NFIB: variants seen among roughly 807,000 people sequenced by gnomAD.
NFIB encodes nuclear factor I B.
A neutral mutation model predicts 61.5 loss-of-function variants in NFIB; 11 were observed. The observed-to-expected ratio is 0.18, with a 90% CI of 0.11 to 0.30. NFIB has a LOEUF of 0.30. Among genes scored for constraint, NFIB ranks in the 10% least tolerant of loss-of-function variants. NFIB has a pLI of 1.00. For synonymous variants in NFIB, 260 were observed against 216.5 expected (o/e 1.20, Z -1.76); for missense variants, 471 against 608.9 (o/e 0.77, Z 2.38).
At chr9:14,470,453 C>T in the NFIB span, among the ~76,000 whole-genome samples, 1 of 152,088 alleles carries the variant, frequency 6.6e-6, no homozygotes, top group Non-Finnish European at 1.5e-5. Flanking sequence ...GGTTTGCCCC[C>T]CTGAAAAAGA....
At chr9:14,312,565 C>T (rs1421943670) in intron 1 of NFIB, among the ~76,000 whole-genome samples, 1 of 152,140 alleles carries the variant, frequency 6.6e-6, no homozygotes, top group East Asian at 1.9e-4. Context: ...AAAACTGCCC[C>T]CAGGTAAGTC....
chr9:14,195,798 T>TG (rs968503586), intron 2 of NFIB, among the ~76,000 whole-genome samples: 55 of 152,110 alleles, frequency 3.6e-4, no homozygotes, highest in African/African-American at 1.3e-3. Context: ...TGTCACACCA[T>TG]GAAAAACACA....
intron 1 of NFIB, among the ~76,000 whole-genome samples, chr9:14,393,422 G>A (rs1054690594): frequency 6.6e-6 from 1 of 152,170 alleles, no homozygotes; most frequent in East Asian, 1.9e-4. Context: ...ATTGGAAGTC[G>A]TGTTACCCTC....
the NFIB span, among the ~76,000 whole-genome samples, chr9:14,473,795 A>C: frequency 6.6e-6 from 1 of 152,112 alleles, no homozygotes; most frequent in African/African-American, 2.4e-5. Flanking sequence ...TGATTTTTTT[A>C]TGTCTCCACT....
intron 1 of NFIB, among the ~76,000 whole-genome samples, chr9:14,343,513 A>T (rs535829014): frequency 2.6e-5 from 4 of 152,096 alleles, no homozygotes; most frequent in Non-Finnish European, 4.4e-5. Flanking sequence ...TGTGAAAGGG[A>T]TGTGGCTGTT....
At chr9:14,113,168 G>T (rs1554636308) in intron 9 of NFIB, 87 bp from the exon 10 acceptor site, 2 of 1,218,990 alleles carry the variant, frequency 1.6e-6, no homozygotes, top group Non-Finnish European at 2.2e-6. Flanking sequence ...CCAGAGAAGT[G>T]GGATTTGCAA....
the NFIB span, among the ~76,000 whole-genome samples, chr9:14,515,473 T>C: frequency 6.6e-6 from 1 of 152,088 alleles, no homozygotes; most frequent in Non-Finnish European, 1.5e-5. Flanking sequence ...GCAAGGTGGA[T>C]TTCAATCCAT....
At chr9:14,397,417 T>C (rs970165039) in intron 1 of NFIB, among the ~76,000 whole-genome samples, 2 of 152,214 alleles carry the variant, frequency 1.3e-5, no homozygotes, top group Non-Finnish European at 2.9e-5. Flanking sequence ...AGGTAGCAAA[T>C]ATAATAACTA....
chr9:14,286,814 T>C (rs1237760267), intron 2 of NFIB, among the ~76,000 whole-genome samples: 2 of 151,022 alleles, frequency 1.3e-5, no homozygotes, highest in Non-Finnish European at 2.9e-5. Flanking sequence ...CAGAATGGCT[T>C]TTAAATGCCA....
chr9:14,150,006 A>T (rs1358805322), intron 5 of NFIB, 139 bp downstream of exon 5: 5 of 1,224,448 alleles, frequency 4.1e-6, no homozygotes, highest in Non-Finnish European at 5.7e-6. Flanking sequence ...TTTAACCAGG[A>T]AAGATTAAAA....
In NFIB at chr9:14,086,061, T is replaced by C. The variant is rs533691695; in HGVS notation, c.*2248A>G. The stretch of plus-strand genomic sequence containing the variant: ...TGTTGTGTTTGCTTGTTCTTACTAT[T>C]GTGTTGTTATGAAAACCAGTAATGA... On this transcript the variant is annotated 3_prime_UTR_variant, in exon 11 of 11. Transcript: ENST00000380953. 1 of 226,974 alleles carries C rather than the reference T, an allele frequency of 4.4e-6. No homozygotes were observed. Among genetic ancestry groups the C allele is most frequent in the South Asian group, 1.8e-4 (1 of 5,466 alleles). The allele number at this position is 226,974 out of a possible 1,614,324, so 14.1% of individuals were successfully genotyped here.
the NFIB span, among the ~76,000 whole-genome samples, chr9:14,462,219 T>G: frequency 6.6e-6 from 1 of 152,246 alleles, no homozygotes; most frequent in African/African-American, 2.4e-5. Flanking sequence ...TGGTTTCTGC[T>G]GATCACCCCA....
At chr9:14,441,593 CCTCT>C in the NFIB span, among the ~76,000 whole-genome samples, 1 of 104,022 alleles carries the variant, frequency 9.6e-6, no homozygotes, top group Non-Finnish European at 2.0e-5. Flanking sequence ...TTTTCTTCTT[CCTCT>C]TTTTTTTTTT....
At chr9:14,248,726 A>G (rs1284891349) in intron 2 of NFIB, among the ~76,000 whole-genome samples, 1 of 152,196 alleles carries the variant, frequency 6.6e-6, no homozygotes, top group Admixed American at 6.5e-5. Flanking sequence ...AGAAGAAAGC[A>G]CCAGTTCAGC....
At chr9:14,392,297 C>G (rs986443096) in intron 1 of NFIB, among the ~76,000 whole-genome samples, 1 of 152,194 alleles carries the variant, frequency 6.6e-6, no homozygotes. Context: ...TGTCTATCAA[C>G]ATTGGTTTCT....
intron 1 of NFIB, among the ~76,000 whole-genome samples, chr9:14,311,428 TGG>T (rs1159688497): frequency 6.6e-6 from 1 of 152,164 alleles, no homozygotes; most frequent in Non-Finnish European, 1.5e-5. Context: ...CAAAGTCACA[TGG>T]AGCTTAGTGA....
At chr9:14,099,470 A>G (rs2035388031) in intron 10 of NFIB, among the ~76,000 whole-genome samples, 1 of 152,236 alleles carries the variant, frequency 6.6e-6, no homozygotes, top group Non-Finnish European at 1.5e-5. Context: ...AAAAATAACC[A>G]CAAGTCATAA....
chr9:14,523,938 C>T, the NFIB span, among the ~76,000 whole-genome samples: 2 of 152,088 alleles, frequency 1.3e-5, no homozygotes, highest in Non-Finnish European at 2.9e-5. Context: ...TTCCAACATG[C>T]CTCTAGTACA....
the NFIB span, among the ~76,000 whole-genome samples, chr9:14,450,204 G>C: frequency 1.3e-5 from 2 of 152,056 alleles, no homozygotes; most frequent in African/African-American, 4.8e-5. Context: ...CCACCGATGA[G>C]TGACAACATG....
Sources: allele counts gnomAD v4.1 joint callset (sites outside exome capture counted in the v4.1 genomes callset), GRCh38; gene constraint gnomAD v4.1.1; transcripts MANE v1.5; gene names NCBI Gene and HGNC (gene_info 2026-07-23, HGNC 2026-07-21).